The following CAST variants were observed in gnomAD, a reference collection of about 807,000 sequenced individuals.
CAST encodes calpastatin.
CAST carries 76 observed loss-of-function variants against 119.6 expected under a neutral mutation model. That is an observed-to-expected ratio of 0.64 (90% CI 0.53 to 0.77). The LOEUF (loss-of-function observed/expected upper bound fraction) is 0.77, where lower values mean the gene tolerates loss of function less well. Ranked by LOEUF, CAST falls within the 30% of genes least tolerant of loss-of-function variation. The pLI, the probability that CAST is intolerant of heterozygous loss-of-function variation, is 0.00. For synonymous variants in CAST, 319 were observed against 331.6 expected (o/e 0.96, Z 0.41); for missense variants, 953 against 946.5 (o/e 1.01, Z -0.09).
intron 1 of CAST, among the ~76,000 whole-genome samples, chr5:96,541,357 C>A (rs1745909947): frequency 6.6e-6 from 1 of 151,600 alleles, no homozygotes; most frequent in South Asian, 2.1e-4. Context: ...TTGAGCACTT[C>A]TTTGTTTTTG....
chr5:96,054,779 T>C, the CAST span, among the ~76,000 whole-genome samples: 2 of 152,136 alleles, frequency 1.3e-5, no homozygotes, highest in East Asian at 3.9e-4. Context: ...ACAAAGTTGG[T>C]GGAAGAAACC....
At chr5:96,708,671 G>C (rs1245888066) in intron 3 of CAST, among the ~76,000 whole-genome samples, 1 of 151,866 alleles carries the variant, frequency 6.6e-6, no homozygotes, top group African/African-American at 2.4e-5. Flanking sequence ...TTGTATTTTT[G>C]ATAGAGACAG....
Position 96,740,026 on chromosome 5 carries a change from A to T in CAST, c.799-12A>T, listed in dbSNP as rs775573279. The T allele has an allele frequency of 7.1e-7, 1 of 1,416,726 alleles. No individual in the cohort carries two copies. The highest frequency in any genetic ancestry group is 1.8e-5 in the Admixed American group (1 of 54,582). 87.8% of individuals were successfully genotyped at this position (1,416,726 alleles called of 1,614,324 possible). Reference sequence around the variant, plus strand: ...ATTATATAATATCCCTATGTGTATGATTTTGTTCCAGGATCCAATGAGTTC... The same window carrying T: ...ATTATATAATATCCCTATGTGTATGTTTTTGTTCCAGGATCCAATGAGTTC... On this transcript the variant is annotated splice_polypyrimidine_tract_variant and intron_variant, in intron 11 of 31. Coordinates refer to ENST00000675179, the MANE Select transcript of CAST (RefSeq NM_001750.7).
the CAST span, chr5:96,210,183 T>C: frequency 6.6e-6 from 1 of 152,016 alleles, no homozygotes; most frequent in Non-Finnish European, 1.5e-5. Flanking sequence ...GCTAATCTTC[T>C]CTGTATCATT....
chr5:96,667,110 C>T (rs1261026246), intron 1 of CAST, among the ~76,000 whole-genome samples: 1 of 152,108 alleles, frequency 6.6e-6, no homozygotes, highest in Non-Finnish European at 1.5e-5. Flanking sequence ...AAGAACAGTT[C>T]CATCCAATAA....
the CAST span, among the ~76,000 whole-genome samples, chr5:96,325,528 GGAGTGCAGTGGTGTGATCT>G: frequency 2.0e-5 from 3 of 150,856 alleles, no homozygotes; most frequent in East Asian, 5.8e-4. Context: ...TGCCCAGGCT[GGAGTGCAGTGGTGTGATCT>G]GAGCTCACTG....
rs189027462 is a variant in CAST at position 96,580,661 on chromosome 5, C to A, written c.60+50781C>A. 2.6e-5 allele frequency among the ~76,000 whole-genome samples: 4 copies of A among 152,328 alleles called. No homozygotes were observed. The East Asian group carries it at 7.7e-4, about 29-fold the overall frequency. ...GGTCAATGGATTACATTTGGAGTAG[C>A]AAGGCCCTGCCTTATACGGATCACT... On this transcript the variant is annotated intron_variant, in intron 1 of 11. Coordinates refer to the CAST transcript ENST00000505143.
At chr5:96,562,903 A>G (rs1746405584) in intron 1 of CAST, among the ~76,000 whole-genome samples, 1 of 152,236 alleles carries the variant, frequency 6.6e-6, no homozygotes, top group Non-Finnish European at 1.5e-5. Flanking sequence ...GAATTTGAGA[A>G]AACAGCAGAA....
At chr5:96,702,189 T>A (rs528474791) in intron 3 of CAST, among the ~76,000 whole-genome samples, 7 of 152,258 alleles carry the variant, frequency 4.6e-5, no homozygotes, top group Admixed American at 1.3e-4. Context: ...TATTTTAAAA[T>A]TTTTTATAAT....
At chr5:96,765,928 A>T (rs1165148668) in intron 26 of CAST, 125 bp from the exon 27 acceptor site, 1 of 614,608 alleles carries the variant, frequency 1.6e-6, no homozygotes, top group African/African-American at 1.9e-5. Flanking sequence ...TGCTTAAAAA[A>T]TAAAAACAGA....
chr5:96,489,602 G>A, the CAST span, among the ~76,000 whole-genome samples: 1 of 152,144 alleles, frequency 6.6e-6, no homozygotes, highest in African/African-American at 2.4e-5. Flanking sequence ...GGATGTAAAA[G>A]TTATGTAGGA....
At chr5:96,175,677 A>G in the CAST span, among the ~76,000 whole-genome samples, 1 of 152,222 alleles carries the variant, frequency 6.6e-6, no homozygotes, top group Non-Finnish European at 1.5e-5. Context: ...TGAAGCAACT[A>G]TCTATGGAAC....
the CAST span, among the ~76,000 whole-genome samples, chr5:96,376,888 A>G: frequency 6.6e-6 from 1 of 152,222 alleles, no homozygotes; most frequent in Non-Finnish European, 1.5e-5. Flanking sequence ...CATGAGTGTC[A>G]TTCCCCATAA....
At chr5:95,967,487 A>G in the CAST span, among the ~76,000 whole-genome samples, 5 of 152,308 alleles carry the variant, frequency 3.3e-5, no homozygotes, top group Middle Eastern at 3.4e-3. Flanking sequence ...CCACACCCAA[A>G]TCTCATCCTG....
chr5:96,742,692 C>T lies in CAST; in HGVS notation c.1136C>T (p.Ala379Val). ...GATCAAGCACTCGAGGCTCTGTCGG[C>T]TTCACTGGGCACCCGGCAAGCAGAA... is the stretch of plus-strand genomic sequence containing the variant. ...MSDQALEALSASLGTRQAEPE... is the reference protein window; with the variant it reads ...MSDQALEALSVSLGTRQAEPE... Residue 379 changes from alanine (A) to valine (V), a missense_variant, in exon 16 of 32, where the codon GCT becomes GTT. By Grantham distance (64) the Ala-to-Val change is moderately conservative. Transcript: ENST00000675179. 6.2e-7 allele frequency: 1 copy of T among 1,613,970 alleles called. No homozygotes were observed. The highest frequency in any genetic ancestry group is 2.2e-5 in the East Asian group (1 of 44,878).
chr5:96,349,139 A>ATTTTTTT, the CAST span, among the ~76,000 whole-genome samples: 207 of 89,576 alleles, frequency 2.3e-3, 7 homozygotes, highest in South Asian at 7.1e-3. Context: ...CAAGGACACT[A>ATTTTTTT]TTTTTTTTTT....
the CAST span, among the ~76,000 whole-genome samples, chr5:96,378,648 G>A: frequency 6.6e-6 from 1 of 151,966 alleles, no homozygotes; most frequent in Non-Finnish European, 1.5e-5. Context: ...AAAAGTCCTA[G>A]AATTAGAACT....
At chr5:96,730,326 TC>T (rs1236171097) in intron 8 of CAST, among the ~76,000 whole-genome samples, 1 of 152,226 alleles carries the variant, frequency 6.6e-6, no homozygotes. Flanking sequence ...AGATTTGTGA[TC>T]TACCACTTAA....
the CAST span, among the ~76,000 whole-genome samples, chr5:96,051,339 T>A: frequency 8.6e-5 from 10 of 115,742 alleles, no homozygotes; most frequent in Admixed American, 8.9e-4. Flanking sequence ...ATAGCTAAAA[T>A]TCTCTTGGAG....
Sources: allele counts gnomAD v4.1 joint callset (sites outside exome capture counted in the v4.1 genomes callset), GRCh38; gene constraint gnomAD v4.1.1; transcripts MANE v1.5; gene names NCBI Gene and HGNC (gene_info 2026-07-23, HGNC 2026-07-21).